The following TBL3 variants were observed in gnomAD, a reference collection of about 807,000 sequenced individuals.
The protein encoded by TBL3 is transducin beta-like protein 3.
In TBL3, 71 loss-of-function variants were observed where a neutral mutation model predicts 102.7. The observed-to-expected ratio is 0.69, with a 90% CI of 0.57 to 0.84. The LOEUF (loss-of-function observed/expected upper bound fraction) is 0.84, where lower values mean the gene tolerates loss of function less well. Ranked by LOEUF, TBL3 falls within the 40% of genes least tolerant of loss-of-function variation. TBL3 has a pLI of 0.00. For missense variants in TBL3, 1,188 were observed against 1,098.5 expected, an observed-to-expected ratio of 1.08 and a Z score of -1.15; for synonymous variants, 578 against 477.7, an observed-to-expected ratio of 1.21 and a Z score of -2.74.
Position 1,979,733 on chromosome 16 carries a change from G to A in TBL3, c.*1048G>A. On this transcript the variant is annotated 3_prime_UTR_variant, in exon 22 of 22. Transcript: ENST00000568546. ...CCCTGCCCGCGGTGCTTCTGGCCCA[G>A]TCTTGCCACACGGTCAAGCCGCAGT... is the stretch of plus-strand genomic sequence containing the variant. The A allele has an allele frequency of 5.8e-6, 8 of 1,375,494 alleles. No individual in the cohort carries two copies. Among genetic ancestry groups the A allele is most frequent in the Non-Finnish European group, 7.8e-6 (8 of 1,020,904 alleles). The allele number at this position is 1,375,494 out of a possible 1,614,324, so 85.2% of individuals were successfully genotyped here.
At chr16:1,973,525 C>T (rs1345558371) in intron 1 of TBL3, among the ~76,000 whole-genome samples, 1 of 152,106 alleles carries the variant, frequency 6.6e-6, no homozygotes, top group African/African-American at 2.4e-5. Context: ...ATGGGCTGGA[C>T]CAGGTGGAGG....
rs192494277 is a variant in TBL3 at position 1,979,819 on chromosome 16, C to A, written c.*1134C>A. 165 of 1,565,724 alleles carry A rather than the reference C, an allele frequency of 1.1e-4. No homozygotes were observed. The Middle Eastern group carries it at 2.4e-3, about 23-fold the overall frequency. ...GCTCCCTAGGGACGGGCCTCCCTCC[C>A]GGCCTTGGCCCGGGGCCGCCTCCTC... On this transcript the variant is annotated 3_prime_UTR_variant, in exon 22 of 22. Transcript: ENST00000568546.
Position 1,977,514 on chromosome 16 carries a change from C to T in TBL3, c.1743C>T (p.Ser581=), listed in dbSNP as rs369819329. The T allele has an allele frequency of 5.6e-6, 9 of 1,607,890 alleles. No individual in the cohort carries two copies. Among genetic ancestry groups the T allele is most frequent in the South Asian group, 1.1e-5 (1 of 90,590 alleles). ...FVSRGTQLLS[S]GSDGLVKLWT... ...GAGCCTCTCCCCACCCCAAACCCAG[C>T]GGTTCGGATGGCCTCGTGAAGCTCT... Residue 581 remains serine, a splice_region_variant and synonymous_variant, in exon 17 of 22, where the codon AGC becomes AGT. Coordinates refer to ENST00000568546, the MANE Select transcript of TBL3 (RefSeq NM_006453.3).
In TBL3 at chr16:1,979,703, G is replaced by T; in HGVS notation, c.*1018G>T. On this transcript the variant is annotated 3_prime_UTR_variant, in exon 22 of 22. Transcript: ENST00000568546. ...TGCGGAGACCAAGCACGGGCTCCTG[G>T]CCCGCCCTGCCCGCGGTGCTTCTGG... 8.0e-7 allele frequency: 1 copy of T among 1,242,418 alleles called. No individual in the cohort carries two copies. The highest frequency in any genetic ancestry group is 1.1e-6 in the Non-Finnish European group (1 of 907,068). The allele number at this position is 1,242,418 out of a possible 1,614,324, so 77.0% of individuals were successfully genotyped here. A position where few individuals can be genotyped will look rare whatever the true frequency, so the allele number is the denominator to read the frequency against.
rs1597055449 is a variant in TBL3, at chr16:1,979,828, C to T, written c.*1143C>T. 6.4e-7 allele frequency: 1 copy of T among 1,570,472 alleles called. No homozygotes were observed. Among genetic ancestry groups the T allele is most frequent in the East Asian group, 2.4e-5 (1 of 42,194 alleles). ...GGACGGGCCTCCCTCCCGGCCTTGG[C>T]CCGGGGCCGCCTCCTCCAGGTAGGG... On this transcript the variant is annotated 3_prime_UTR_variant, in exon 22 of 22. Coordinates refer to ENST00000568546, the MANE Select transcript of TBL3 (RefSeq NM_006453.3).
At position 1,978,860 on chromosome 16, in the gene TBL3, C is replaced by G. The variant is rs960058015; in HGVS notation, c.*175C>G. 9.1e-7 allele frequency: 1 copy of G among 1,099,638 alleles called. No individual in the cohort carries two copies. Among genetic ancestry groups the G allele is most frequent in the African/African-American group, 1.6e-5 (1 of 63,366 alleles). The allele number at this position is 1,099,638 out of a possible 1,614,324, so 68.1% of individuals were successfully genotyped here. ...GGTCTCGGCCCTGCCACGCCCATCC[C>G]GCACCCTGGCCTGGCAGAGATCCAG... On this transcript the variant is annotated 3_prime_UTR_variant, in exon 22 of 22. Coordinates refer to ENST00000568546, the MANE Select transcript of TBL3 (RefSeq NM_006453.3).
In TBL3 at chr16:1,981,834, C is replaced by G. The variant is rs2083515093; in HGVS notation, c.*3149C>G. The G allele has an allele frequency of 6.6e-6, 1 of 152,566 alleles. No individual in the cohort carries two copies. The highest frequency in any genetic ancestry group is 1.5e-5 in the Non-Finnish European group (1 of 68,336). The allele number at this position is 152,566 out of a possible 1,614,324, so 9.5% of individuals were successfully genotyped here. A position where few individuals can be genotyped will look rare whatever the true frequency, so the allele number is the denominator to read the frequency against. ...CATGCTGGGGGAGGGGCAGACCTCA[C>G]AGGCTCACCCCAGGGGTTCCCCTGC... On this transcript the variant is annotated 3_prime_UTR_variant, in exon 22 of 22. Transcript: ENST00000568546.
At position 1,974,659 on chromosome 16, in the gene TBL3, C is replaced by A; in HGVS notation, c.359C>A (p.Thr120Asn). The change falls in exon 5 of 22, where the codon ACC (threonine) becomes AAC (asparagine). Residue 120 changes from threonine to asparagine, a missense_variant. By Grantham distance (65) the Thr-to-Asn change is moderately conservative (BLOSUM62 0). Transcript: ENST00000568546. ...APVATMAFDP[T>N]STLLATGGCD... ...GTGGCCACCATGGCCTTCGACCCCA[C>A]CTCCACTCTGCTAGCCACAGGTAGG... is the stretch of plus-strand genomic sequence containing the variant. 2 of 1,608,984 alleles carry A rather than the reference C, an allele frequency of 1.2e-6. No individual in the cohort carries two copies. Among genetic ancestry groups the A allele is most frequent in the Non-Finnish European group, 1.7e-6 (2 of 1,176,898 alleles).
rs1009378769 is a variant in TBL3 at position 1,978,924 on chromosome 16, G to A, written c.*239G>A. 7.0e-6 allele frequency: 8 copies of A among 1,143,636 alleles called. No individual in the cohort carries two copies. The highest frequency in any genetic ancestry group is 5.5e-5 in the Admixed American group (2 of 36,176). 70.8% of individuals were successfully genotyped at this position (1,143,636 alleles called of 1,614,324 possible). A position where few individuals can be genotyped will look rare whatever the true frequency, so the allele number is the denominator to read the frequency against. Reference sequence around the variant, plus strand: ...ACGCTTAGACGGTGGGGGTCATGCAGAACAAGCTTTACTCAGAGGAACAGC... The same window carrying A: ...ACGCTTAGACGGTGGGGGTCATGCAAAACAAGCTTTACTCAGAGGAACAGC... On this transcript the variant is annotated 3_prime_UTR_variant, in exon 22 of 22. Transcript: ENST00000568546.
rs1567330679 is a variant in TBL3, at chr16:1,980,083, T to G, written c.*1398T>G. Reference sequence around the variant, plus strand: ...CCGCGTGTCCTGGGTACAGAAGGGCTGCAGGCAGCGCAGGCTCTGAGCCTC... The same window carrying G: ...CCGCGTGTCCTGGGTACAGAAGGGCGGCAGGCAGCGCAGGCTCTGAGCCTC... On this transcript the variant is annotated 3_prime_UTR_variant, in exon 22 of 22. Transcript: ENST00000568546. 1.2e-6 allele frequency: 2 copies of G among 1,607,178 alleles called. No homozygotes were observed.
rs1567332156 is a variant in TBL3, at chr16:1,980,812, A to T, written c.*2127A>T. Reference sequence around the variant, plus strand: ...GGGCGGGGTCCCTCACCCGGATGGCAGGGGCTGGGAGCTTCAGCAGGGACG... The same window carrying T: ...GGGCGGGGTCCCTCACCCGGATGGCTGGGGCTGGGAGCTTCAGCAGGGACG... On this transcript the variant is annotated 3_prime_UTR_variant, in exon 22 of 22. Coordinates refer to ENST00000568546, the MANE Select transcript of TBL3 (RefSeq NM_006453.3). 1 of 1,486,566 alleles carries T rather than the reference A, an allele frequency of 6.7e-7. No individual in the cohort carries two copies. 92.1% of individuals were successfully genotyped at this position (1,486,566 alleles called of 1,614,324 possible).
Position 1,979,836 on chromosome 16 carries a change from CG to C in TBL3, c.*1152del. On this transcript the variant is annotated 3_prime_UTR_variant, in exon 22 of 22. Transcript: ENST00000568546. ...CTCCCTCCCGGCCTTGGCCCGGGGC[CG>C]CCTCCTCCAGGTAGGGCGCTGGAAA... 1.9e-6 allele frequency: 3 copies of C among 1,575,576 alleles called. No individual in the cohort carries two copies. Among genetic ancestry groups the C allele is most frequent in the Non-Finnish European group, 2.6e-6 (3 of 1,162,166 alleles).
In TBL3 at chr16:1,981,119, G is replaced by A. The variant is rs187283224; in HGVS notation, c.*2434G>A. The A allele has an allele frequency of 6.2e-7, 1 of 1,613,380 alleles. No individual in the cohort carries two copies. The highest frequency in any genetic ancestry group is 1.7e-5 in the Admixed American group (1 of 60,028). On this transcript the variant is annotated 3_prime_UTR_variant, in exon 22 of 22. Coordinates refer to ENST00000568546, the MANE Select transcript of TBL3 (RefSeq NM_006453.3). ...AGGACCCAGCCAGGTCTTACTTGGA[G>A]CCTCTTGATCTGCACCAGGGCTGCC...
rs753865833 is a variant in TBL3, at chr16:1,978,295, G to C, written c.2135-18G>C. On this transcript the variant is annotated intron_variant, in intron 20 of 21. Coordinates refer to ENST00000568546, the MANE Select transcript of TBL3 (RefSeq NM_006453.3). Reference sequence around the variant, plus strand: ...GCAGATTGGCTGGGCAAGACGATGAGGGTCCTGTTGCCCACAGAGGCCCTG... The same window carrying C: ...GCAGATTGGCTGGGCAAGACGATGACGGTCCTGTTGCCCACAGAGGCCCTG... The C allele has an allele frequency of 1.9e-6, 3 of 1,610,056 alleles. No individual in the cohort carries two copies. The highest frequency in any genetic ancestry group is 2.5e-6 in the Non-Finnish European group (3 of 1,178,182).
At position 1,972,164 on chromosome 16, in the gene TBL3, C is replaced by T; in HGVS notation, c.-1C>T. 2 of 1,456,686 alleles carry T rather than the reference C, an allele frequency of 1.4e-6. No individual in the cohort carries two copies. Among genetic ancestry groups the T allele is most frequent in the South Asian group, 1.4e-5 (1 of 72,650 alleles). The allele number at this position is 1,456,686 out of a possible 1,614,324, so 90.2% of individuals were successfully genotyped here. A position where few individuals can be genotyped will look rare whatever the true frequency, so the allele number is the denominator to read the frequency against. On this transcript the variant is annotated 5_prime_UTR_variant, in exon 1 of 22. Transcript: ENST00000568546. ...TCAGCTGGAGCGGCGGCGGCGGCAA[C>T]ATGGCAGAGACCGCGGCCGGAGTGG...
In TBL3 at chr16:1,978,637, G is replaced by T; in HGVS notation, c.2379G>T (p.Pro793=). 3 of 1,612,578 alleles carry T rather than the reference G, an allele frequency of 1.9e-6. No homozygotes were observed. Among genetic ancestry groups the T allele is most frequent in the African/African-American group, 1.3e-5 (1 of 75,006 alleles). The change falls in exon 22 of 22, where the codon CCG becomes CCT. Residue 793 remains proline, a synonymous_variant. Transcript: ENST00000568546. ...FLWHNMKLPV[P]AAAPTPWETH... ...GGCACAACATGAAGCTCCCTGTGCC[G>T]GCCGCCGCCCCCACCCCCTGGGAAA... is the stretch of plus-strand genomic sequence containing the variant.
At chr16:1,976,336 C>T (rs758559633) in intron 13 of TBL3, 22 bp downstream of exon 13, 3 of 1,596,934 alleles carry the variant, frequency 1.9e-6, no homozygotes, top group Non-Finnish European at 2.6e-6. Context: ...GGGCTGGGCC[C>T]AGGGGTGTCA....
intron 9 of TBL3, 40 bp downstream of exon 9, chr16:1,975,478 G>T: frequency 8.7e-6 from 14 of 1,607,894 alleles, no homozygotes; most frequent in Non-Finnish European, 1.2e-5. Context: ...TAGGGGCTGG[G>T]GAAGGCCTGT....
rs1241744462 is a variant in TBL3 at position 1,980,100 on chromosome 16, C to G, written c.*1415C>G. On this transcript the variant is annotated 3_prime_UTR_variant, in exon 22 of 22. Coordinates refer to ENST00000568546, the MANE Select transcript of TBL3 (RefSeq NM_006453.3). ...AGAAGGGCTGCAGGCAGCGCAGGCT[C>G]TGAGCCTCCAGACTGTGGATGGAGA... is the stretch of plus-strand genomic sequence containing the variant. 1 of 1,607,988 alleles carries G rather than the reference C, an allele frequency of 6.2e-7. No individual in the cohort carries two copies. Among genetic ancestry groups the G allele is most frequent in the African/African-American group, 1.3e-5 (1 of 74,896 alleles).
Sources: allele counts gnomAD v4.1 joint callset (sites outside exome capture counted in the v4.1 genomes callset), GRCh38; gene constraint gnomAD v4.1.1; transcripts MANE v1.5; gene names NCBI Gene and HGNC (gene_info 2026-07-23, HGNC 2026-07-21).